LCOR: variants seen among roughly 807,000 people sequenced by gnomAD.
LCOR encodes ligand dependent nuclear receptor corepressor.
In LCOR, 14 loss-of-function variants were observed where a neutral mutation model predicts 64.4. The ratio of observed to expected loss-of-function variants is 0.22; its 90% CI spans 0.14 to 0.34. LCOR has a LOEUF of 0.34. Among genes scored for constraint, LCOR ranks in the 10% least tolerant of loss-of-function variants. LCOR has a pLI of 1.00. For missense variants in LCOR, 1,686 were observed against 1,765.3 expected (o/e 0.96, Z 0.80); for synonymous variants, 643 against 642.5 (o/e 1.00, Z -0.01).
intron 7 of LCOR, among the ~76,000 whole-genome samples, chr10:96,953,909 A>G (rs1200657077): frequency 1.3e-5 from 2 of 152,218 alleles, no homozygotes; most frequent in Non-Finnish European, 1.5e-5. Flanking sequence ...TAATGTAATC[A>G]TCCCCTTGGG....
At chr10:96,890,854 CTGAT>C (rs987391155) in intron 2 of LCOR, among the ~76,000 whole-genome samples, 1 of 151,972 alleles carries the variant, frequency 6.6e-6, no homozygotes, top group African/African-American at 2.4e-5. Flanking sequence ...TTTTTTTCAA[CTGAT>C]TGATTTTTGT....
intron 2 of LCOR, among the ~76,000 whole-genome samples, chr10:96,849,666 G>C (rs1845693432): frequency 6.6e-6 from 1 of 152,126 alleles, no homozygotes; most frequent in Admixed American, 6.6e-5. Context: ...AGTTTATTCA[G>C]TGTCCCCAAA....
In LCOR at chr10:96,984,472, C is replaced by G; in HGVS notation, c.4012C>G (p.Leu1338Val). ...TGAGAAAATGGAATGCCCAGATGCTCTGGCTGTGGAAAGTAAGCCAAGTCG... is the reference window on the plus strand; with the variant it reads ...TGAGAAAATGGAATGCCCAGATGCTGTGGCTGTGGAAAGTAAGCCAAGTCG... The part of the protein sequence containing the change: ...KNEKMECPDA[L>V]AVESKPSRKS... Residue 1338 changes from leucine to valine, a missense_variant, in exon 8 of 8, where the codon CTG becomes GTG. Around this residue, in one of 3 missense-constraint regions of LCOR, gnomAD observed 1,293 missense variants for 1,410.4 expected, o/e 0.92. Coordinates refer to ENST00000421806, the MANE Select transcript of LCOR (RefSeq NM_001346516.2). 6.2e-7 allele frequency: 1 copy of G among 1,614,218 alleles called. No individual in the cohort carries two copies. The highest frequency in any genetic ancestry group is 8.5e-7 in the Non-Finnish European group (1 of 1,180,048).
intron 4 of LCOR, among the ~76,000 whole-genome samples, chr10:96,913,818 A>G (rs1846888754): frequency 6.6e-6 from 1 of 151,966 alleles, no homozygotes; most frequent in African/African-American, 2.4e-5. Flanking sequence ...CAGCTACTTG[A>G]GAGGCACGAG....
intron 2 of LCOR, among the ~76,000 whole-genome samples, chr10:96,856,845 G>T (rs936081543): frequency 6.8e-6 from 1 of 146,660 alleles, no homozygotes; most frequent in South Asian, 2.1e-4. Flanking sequence ...ACTACGGGTA[G>T]ACAATGCAAA....
chr10:96,865,588 T>A (rs1462833240), intron 2 of LCOR, among the ~76,000 whole-genome samples: 2 of 151,986 alleles, frequency 1.3e-5, no homozygotes, highest in East Asian at 3.9e-4. Context: ...AATAGAACAC[T>A]TCTGAGCCAG....
intron 2 of LCOR, among the ~76,000 whole-genome samples, chr10:96,870,414 A>G (rs555176306): frequency 1.6e-4 from 25 of 152,156 alleles, no homozygotes; most frequent in Non-Finnish European, 3.4e-4. Context: ...CTAAATTACA[A>G]CCATAATAAA....
chr10:96,848,239 T>C (rs1845665666), intron 2 of LCOR, among the ~76,000 whole-genome samples: 1 of 152,240 alleles, frequency 6.6e-6, no homozygotes, highest in African/African-American at 2.4e-5. Context: ...AAAATTCTCT[T>C]GTTATATCAT....
chr10:96,985,197 C>T lies in LCOR; in HGVS notation c.*63C>T. On this transcript the variant is annotated 3_prime_UTR_variant, in exon 8 of 8. Coordinates refer to ENST00000421806, the MANE Select transcript of LCOR (RefSeq NM_001346516.2). ...GAAGTAACCTTTTATTTTGCATTAA[C>T]TAAATCTGCTTTTATAAGCTTATCA... 1 of 1,493,292 alleles carries T rather than the reference C, an allele frequency of 6.7e-7. No individual in the cohort carries two copies. The highest frequency in any genetic ancestry group is 2.4e-5 in the Admixed American group (1 of 41,436). The allele number at this position is 1,493,292 out of a possible 1,614,324, so 92.5% of individuals were successfully genotyped here. A position where few individuals can be genotyped will look rare whatever the true frequency, so the allele number is the denominator to read the frequency against.
rs995628454 is a variant in LCOR at position 96,981,104 on chromosome 10, C to T, written c.644C>T (p.Pro215Leu). ...GTAGACTCGTCAGACTCTCACAGCCCTCTACACTTGACGGAACAGACCCCG... is the reference window on the plus strand; with the variant it reads ...GTAGACTCGTCAGACTCTCACAGCCTTCTACACTTGACGGAACAGACCCCG... ...LFVDSSDSHS[P>L]LHLTEQTPKK... Residue 215 changes from proline (P) to leucine (L), a missense_variant, in exon 8 of 8, where the codon CCT (proline) becomes CTT (leucine). Pro to Leu is a moderately conservative substitution (Grantham distance 98). Coordinates refer to ENST00000421806, the MANE Select transcript of LCOR (RefSeq NM_001346516.2). 4 of 703,080 alleles carry T rather than the reference C, an allele frequency of 5.7e-6. No individual in the cohort carries two copies. In the African/African-American group the frequency reaches 7.0e-5, roughly 12 times the overall value. The allele number at this position is 703,080 out of a possible 1,614,324, so 43.6% of individuals were successfully genotyped here. A position where few individuals can be genotyped will look rare whatever the true frequency, so the allele number is the denominator to read the frequency against.
intron 7 of LCOR, among the ~76,000 whole-genome samples, chr10:96,968,688 G>GT (rs1222424434): frequency 2.0e-5 from 3 of 152,072 alleles, no homozygotes; most frequent in Non-Finnish European, 4.4e-5. Flanking sequence ...TAATCCCAGT[G>GT]TTTTGGGAGG....
chr10:96,889,060 A>G (rs561893244), intron 2 of LCOR, among the ~76,000 whole-genome samples: 3 of 152,354 alleles, frequency 2.0e-5, no homozygotes, highest in South Asian at 2.1e-4. Context: ...AGCTTTTAGT[A>G]TATTCAAAGT....
intron 7 of LCOR, chr10:96,958,919 A>AAAC (rs1554840798): frequency 6.6e-6 from 1 of 152,054 alleles, no homozygotes; most frequent in Non-Finnish European, 1.5e-5. Context: ...AAAAAAAAAA[A>AAAC]AAAAAAAACA....
Position 96,985,091 on chromosome 10 carries a change from T to G in LCOR, c.4631T>G (p.Leu1544Arg), listed in dbSNP as rs764681309. 2.5e-6 allele frequency: 4 copies of G among 1,609,188 alleles called. No individual in the cohort carries two copies. Among genetic ancestry groups the G allele is most frequent in the Non-Finnish European group, 2.5e-6 (3 of 1,178,804 alleles). Residue 1544 changes from leucine to arginine, a missense_variant, in exon 8 of 8, where the codon CTG becomes CGG. Coordinates refer to ENST00000421806, the MANE Select transcript of LCOR (RefSeq NM_001346516.2). ...AQRKRKLKAK[L>R]DCSHSKRRRL... ...AGAAAGCGAAAGCTGAAGGCAAAGC[T>G]GGACTGTTCGCACAGCAAACGGAGG...
At chr10:96,913,406 T>C (rs548335175) in intron 4 of LCOR, among the ~76,000 whole-genome samples, 1 of 152,178 alleles carries the variant, frequency 6.6e-6, no homozygotes, top group Non-Finnish European at 1.5e-5. Flanking sequence ...TTACTTTTAG[T>C]AGTTAATTCC....
chr10:96,844,810 C>A (rs778351911), intron 2 of LCOR, among the ~76,000 whole-genome samples: 2 of 152,152 alleles, frequency 1.3e-5, no homozygotes, highest in African/African-American at 2.4e-5. Context: ...GTAGACCAGC[C>A]TAATTCATAG....
chr10:96,851,189 G>T (rs777964898), intron 2 of LCOR, among the ~76,000 whole-genome samples: 2 of 152,234 alleles, frequency 1.3e-5, no homozygotes, highest in African/African-American at 2.4e-5. Flanking sequence ...AGCTGGACTG[G>T]ATGATGACTG....
chr10:96,869,136 A>T (rs998209383), intron 2 of LCOR, among the ~76,000 whole-genome samples: 1 of 151,966 alleles, frequency 6.6e-6, no homozygotes, highest in Admixed American at 6.6e-5. Context: ...AAAGCTCGCA[A>T]CCTCAAGTGA....
intron 2 of LCOR, among the ~76,000 whole-genome samples, chr10:96,861,592 C>T (rs1386277611): frequency 6.6e-6 from 1 of 152,018 alleles, no homozygotes; most frequent in East Asian, 1.9e-4. Context: ...GTCACCCAGG[C>T]TGGAGTTCAG....
Sources: allele counts gnomAD v4.1 joint callset (sites outside exome capture counted in the v4.1 genomes callset), GRCh38; gene constraint gnomAD v4.1.1; regional missense constraint gnomAD v4.1.1; transcripts MANE v1.5; gene names NCBI Gene and HGNC (gene_info 2026-07-23, HGNC 2026-07-21).